ATG16L2: variants seen among roughly 807,000 people sequenced by gnomAD.
ATG16L2 encodes protein Atg16l2.
A neutral mutation model predicts 84.7 loss-of-function variants in ATG16L2; 77 were observed. The observed-to-expected ratio is 0.91, with a 90% CI of 0.76 to 1.10. The LOEUF (loss-of-function observed/expected upper bound fraction) is 1.10. Ranked by LOEUF, ATG16L2 falls within the 50% of genes least tolerant of loss-of-function variation. The pLI, the probability that ATG16L2 is intolerant of heterozygous loss-of-function variation, is 0.00. For missense variants in ATG16L2, 782 were observed against 817.6 expected, an observed-to-expected ratio of 0.96 and a Z score of 0.53; for synonymous variants, 361 against 342.8, an observed-to-expected ratio of 1.05 and a Z score of -0.59.
exon 6 of ATG16L2, chr11:72,843,376 CAG>C: frequency 6.2e-7 from 1 of 1,610,440 alleles, no homozygotes; most frequent in Non-Finnish European, 8.5e-7. Flanking sequence ...ACAATTTAGA[CAG>C]GGCACAACAA....
chr11:72,822,592 C>A lies in ATG16L2; in HGVS notation c.710+49C>A. The A allele has an allele frequency of 6.3e-7, 1 of 1,596,892 alleles. No individual in the cohort carries two copies. Among genetic ancestry groups the A allele is most frequent in the East Asian group, 2.3e-5 (1 of 43,930 alleles). On this transcript the variant is annotated intron_variant, in intron 6 of 17. Transcript: ENST00000321297. The surrounding 1 kb of genome is among the most constrained non-coding windows in gnomAD (Gnocchi z 4.2). ...CGACCCTTGCGTTCTGCCTCCCGCC[C>A]CGCCTGCCTGCGGCGACCCAGGCTG...
At position 72,829,416 on chromosome 11, in the gene ATG16L2, G is replaced by T; in HGVS notation, c.*26G>T. ...GGCCACGACCTGCCTGCCTGGGCTGGAGCTCTTGCCCGAAGCCTGAAGCTT... is the reference window on the plus strand; with the variant it reads ...GGCCACGACCTGCCTGCCTGGGCTGTAGCTCTTGCCCGAAGCCTGAAGCTT... On this transcript the variant is annotated 3_prime_UTR_variant, in exon 18 of 18. Coordinates refer to ENST00000321297, the MANE Select transcript of ATG16L2 (RefSeq NM_033388.2). The T allele has an allele frequency of 6.2e-7, 1 of 1,602,890 alleles. No individual in the cohort carries two copies. The highest frequency in any genetic ancestry group is 2.2e-4 in the Middle Eastern group (1 of 4,514).
At chr11:72,819,703 T>C (rs949017781) in intron 3 of ATG16L2, among the ~76,000 whole-genome samples, 50 of 152,150 alleles carry the variant, frequency 3.3e-4, no homozygotes, top group African/African-American at 1.2e-3. Context: ...CAGTACCCAT[T>C]GGATGCGCCA....
At position 72,822,327 on chromosome 11, in the gene ATG16L2, A is replaced by G; in HGVS notation, c.644+32A>G. 3.3e-6 allele frequency: 5 copies of G among 1,527,016 alleles called. No homozygotes were observed. Among genetic ancestry groups the G allele is most frequent in the Non-Finnish European group, 4.4e-6 (5 of 1,141,934 alleles). The allele number at this position is 1,527,016 out of a possible 1,614,324, so 94.6% of individuals were successfully genotyped here. A position where few individuals can be genotyped will look rare whatever the true frequency, so the allele number is the denominator to read the frequency against. On this transcript the variant is annotated intron_variant, in intron 5 of 17. Transcript: ENST00000321297. The surrounding 1 kb of genome is among the most constrained non-coding windows in gnomAD (Gnocchi z 4.2). ...GAGCAGGCCCCGCCCCTCCTGAGGA[A>G]AGGCCCCGCCCCTGCAGGGAGGAGT... is the stretch of plus-strand genomic sequence containing the variant.
At chr11:72,827,986 G>C (rs1362796443) in intron 14 of ATG16L2, among the ~76,000 whole-genome samples, 1 of 152,314 alleles carries the variant, frequency 6.6e-6, no homozygotes, top group African/African-American at 2.4e-5. Context: ...CAAAGCTAGA[G>C]CCAGTGCTAG....
intron 5 of ATG16L2, chr11:72,841,365 GC>G: frequency 2.2e-6 from 1 of 464,808 alleles, no homozygotes; most frequent in Non-Finnish European, 3.2e-6. Context: ...AAAAAAAAAA[GC>G]AAATGCAGTT....
intron 5 of ATG16L2, among the ~76,000 whole-genome samples, chr11:72,839,062 A>G (rs559077590): frequency 6.6e-5 from 10 of 152,332 alleles, no homozygotes; most frequent in African/African-American, 2.2e-4. Context: ...TCTCAATGAA[A>G]TATCAAGCCC....
exon 6 of ATG16L2, chr11:72,843,525 T>C (rs763295534): frequency 8.7e-6 from 14 of 1,613,166 alleles, no homozygotes; most frequent in South Asian, 2.2e-5. Flanking sequence ...CTCATCTGGT[T>C]GAGAAGCCTG....
At chr11:72,824,946 G>T in intron 9 of ATG16L2, 104 bp downstream of exon 9, 1 of 943,648 alleles carries the variant, frequency 1.1e-6, no homozygotes, top group Non-Finnish European at 1.6e-6. Flanking sequence ...GGGAAGCAAG[G>T]CTGGGCTCCT....
At chr11:72,832,388 G>C (rs1860625123), downstream of ATG16L2, among the ~76,000 whole-genome samples, 1 of 152,196 alleles carries the variant, frequency 6.6e-6, no homozygotes, top group South Asian at 2.1e-4. Flanking sequence ...GTAGGAGGGG[G>C]TGCTTCCTGG....
At chr11:72,824,214 C>T (rs1413276448) in intron 8 of ATG16L2, 92 bp downstream of exon 8, 19 of 1,468,650 alleles carry the variant, frequency 1.3e-5, no homozygotes, top group Non-Finnish European at 1.7e-5. Context: ...CCTGTCCATC[C>T]CTGTGATGTG....
chr11:72,823,772 G>A, intron 7 of ATG16L2: 2 of 542,828 alleles, frequency 3.7e-6, no homozygotes, highest in Non-Finnish European at 7.1e-6. Flanking sequence ...GTAGGCCCCG[G>A]CTCAGCTTCC....
chr11:72,819,196 C>G (rs772383877), intron 3 of ATG16L2, among the ~76,000 whole-genome samples: 37 of 152,294 alleles, frequency 2.4e-4, no homozygotes, highest in Non-Finnish European at 4.1e-4. Context: ...CTCACACATG[C>G]TGGAAATGCA....
At chr11:72,819,831 A>T (rs571057533) in intron 3 of ATG16L2, among the ~76,000 whole-genome samples, 1 of 151,252 alleles carries the variant, frequency 6.6e-6, no homozygotes, top group East Asian at 1.9e-4. Context: ...CTGCAACCTC[A>T]GCCTCCCGGG....
At chr11:72,816,682 C>G (rs1038472061) in intron 1 of ATG16L2, 46 bp from the exon 2 acceptor site, 2 of 1,483,088 alleles carry the variant, frequency 1.3e-6, no homozygotes, top group Middle Eastern at 1.7e-4. Flanking sequence ...CAGGGGGCTG[C>G]TGGGTATCTG....
intron 11 of ATG16L2, 32 bp from the exon 12 acceptor site, chr11:72,826,486 A>G (rs911567835): frequency 1.2e-6 from 2 of 1,613,050 alleles, no homozygotes; most frequent in Admixed American, 1.7e-5. Flanking sequence ...CCTCCGGCTT[A>G]GCACCTCTCA....
rs1169676424 is a variant in ATG16L2 at position 72,829,066 on chromosome 11, G to A, written c.1772+82G>A. The A allele has an allele frequency of 3.5e-6, 5 of 1,432,512 alleles. No homozygotes were observed. In the African/African-American group the frequency reaches 7.0e-5, roughly 20 times the overall value. 88.7% of individuals were successfully genotyped at this position (1,432,512 alleles called of 1,614,324 possible). On this transcript the variant is annotated intron_variant, in intron 17 of 17. Transcript: ENST00000321297. ...CAGGTTCTGACATACTGGGACCCTG[G>A]AGTCCCCAGCCCTTGTCCCTCCACC...
intron 5 of ATG16L2, among the ~76,000 whole-genome samples, chr11:72,840,497 G>A (rs542551570): frequency 6.6e-6 from 1 of 152,236 alleles, no homozygotes; most frequent in East Asian, 1.9e-4. Flanking sequence ...AGGCCATGAA[G>A]TTAGCTTATT....
intron 17 of ATG16L2, 135 bp from the exon 18 acceptor site, chr11:72,829,168 G>C: frequency 8.8e-7 from 1 of 1,140,302 alleles, no homozygotes; most frequent in Non-Finnish European, 1.3e-6. Flanking sequence ...CCACAGCCCT[G>C]TGAGCTAACT....
Sources: gnomAD v4.1 joint callset for allele counts (sites outside exome capture counted in the v4.1 genomes callset) on GRCh38, gnomAD v4.1.1 for gene constraint, Gnocchi (gnomAD v3.1) non-coding constraint, MANE v1.5 for transcripts, NCBI Gene and HGNC (gene_info 2026-07-23, HGNC 2026-07-21) for gene names.